C4orf50: variants seen among roughly 807,000 people sequenced by gnomAD.
The protein encoded by C4orf50 is chromosome 4 open reading frame 50.
In C4orf50, 80 loss-of-function variants were observed where a neutral mutation model predicts 77.2. That is an observed-to-expected ratio of 1.04 (90% confidence interval 0.87 to 1.25). C4orf50 has a LOEUF of 1.25. Among genes scored for constraint, C4orf50 ranks in the 50% most tolerant of loss-of-function variants. The pLI, the probability that C4orf50 is intolerant of heterozygous loss-of-function variation, is 0.00. For missense variants in C4orf50, 1,257 were observed against 1,152.9 expected (o/e 1.09, Z -1.31); for synonymous variants, 532 against 465.3 (o/e 1.14, Z -1.84).
intron 25 of C4orf50, among the ~76,000 whole-genome samples, chr4:5,996,000 C>T (rs770721009): frequency 1.3e-5 from 2 of 152,166 alleles, no homozygotes; most frequent in African/African-American, 2.4e-5. Flanking sequence ...CAGGGAGACC[C>T]GCTGATCACC....
rs1399235201 is a variant in C4orf50 at position 5,993,054 on chromosome 4, C to T, written c.1094-124G>A. ...CACCCCCCCCACCCCCGACTGTGAG[C>T]CTCCCAAGGGCAGCCTGATGACCAC... On this transcript the variant is annotated intron_variant, in intron 26 of 33. Transcript: ENST00000531445. The T allele has an allele frequency of 7.7e-6, 3 of 390,354 alleles. No individual in the cohort carries two copies. The Admixed American group carries it at 1.3e-4, about 18-fold the overall frequency. The allele number at this position is 390,354 out of a possible 1,614,324, so 24.2% of individuals were successfully genotyped here.
downstream of C4orf50, among the ~76,000 whole-genome samples, chr4:5,952,917 T>C (rs1411429308): frequency 1.3e-5 from 2 of 152,230 alleles, no homozygotes; most frequent in South Asian, 2.1e-4. The surrounding 1 kb of genome is among the most constrained non-coding windows in gnomAD (Gnocchi z 4.4). Flanking sequence ...GTTTTGGTTT[T>C]GCCTAGAAAT....
intron 31 of C4orf50, among the ~76,000 whole-genome samples, chr4:5,971,654 TG>T (rs796910017): frequency 1.6e-4 from 24 of 152,348 alleles, no homozygotes; most frequent in African/African-American, 5.8e-4. Flanking sequence ...AAGAAATGAC[TG>T]AAAAAATTTG....
At chr4:5,966,728 C>CA (rs1246772542) in intron 32 of C4orf50, among the ~76,000 whole-genome samples, 1 of 150,772 alleles carries the variant, frequency 6.6e-6, no homozygotes, top group Non-Finnish European at 1.5e-5. Flanking sequence ...CGGTTCACTG[C>CA]AACCTCCGTC....
intron 31 of C4orf50, among the ~76,000 whole-genome samples, chr4:5,972,250 G>A (rs980213180): frequency 1.3e-5 from 2 of 152,002 alleles, no homozygotes; most frequent in African/African-American, 4.8e-5. Context: ...TGATCTGTCC[G>A]CCCCGGCCTC....
intron 25 of C4orf50, among the ~76,000 whole-genome samples, chr4:6,006,945 T>A (rs941136311): frequency 2.6e-5 from 4 of 152,034 alleles, no homozygotes; most frequent in Non-Finnish European, 5.9e-5. Flanking sequence ...ACAGGTAAAG[T>A]GGGAGAAGAG....
chr4:5,993,193 G>A (rs765371112), intron 26 of C4orf50, among the ~76,000 whole-genome samples: 32 of 152,114 alleles, frequency 2.1e-4, no homozygotes, highest in Non-Finnish European at 3.8e-4. Context: ...ACTCCTGCAC[G>A]GGACAAAATC....
chr4:5,969,461 A>G (rs1719774541), intron 31 of C4orf50, among the ~76,000 whole-genome samples: 1 of 150,304 alleles, frequency 6.7e-6, no homozygotes, highest in African/African-American at 2.5e-5. Context: ...TGGCAGGAGG[A>G]GGAAACAGCA....
At chr4:5,934,169 G>A (rs532615903) in intron 7 of C4orf50, among the ~76,000 whole-genome samples, 1 of 152,066 alleles carries the variant, frequency 6.6e-6, no homozygotes, top group Non-Finnish European at 1.5e-5. Context: ...GCAGCTCACT[G>A]GATGGCTGTA....
chr4:5,978,061 G>A (rs1297652813), intron 29 of C4orf50, among the ~76,000 whole-genome samples: 1 of 152,164 alleles, frequency 6.6e-6, no homozygotes, highest in Non-Finnish European at 1.5e-5. Context: ...CCACAAGCAC[G>A]TGAAAAGATG....
intron 26 of C4orf50, among the ~76,000 whole-genome samples, chr4:5,993,234 A>G (rs906680158): frequency 2.0e-5 from 3 of 152,190 alleles, no homozygotes; most frequent in Admixed American, 1.3e-4. Flanking sequence ...CAGCATCCTC[A>G]TCTGTCAAAC....
chr4:5,917,358 C>G (rs1717070847), intron 7 of C4orf50, among the ~76,000 whole-genome samples: 1 of 150,886 alleles, frequency 6.6e-6, no homozygotes, highest in South Asian at 2.1e-4. Context: ...AGAATAACAA[C>G]CTGAAGCCAT....
chr4:5,911,574 C>A (rs1577876934), intron 7 of C4orf50, among the ~76,000 whole-genome samples: 1 of 152,274 alleles, frequency 6.6e-6, no homozygotes. Context: ...GCAGAAAGGC[C>A]CAGCTTGGCC....
chr4:5,994,345 A>G lies in C4orf50; in HGVS notation c.1093+2T>C, dbSNP rs964785546. 3 of 399,100 alleles carry G rather than the reference A, an allele frequency of 7.5e-6. No individual in the cohort carries two copies. Among genetic ancestry groups the G allele is most frequent in the Non-Finnish European group, 1.3e-5 (3 of 226,200 alleles). 24.7% of individuals were successfully genotyped at this position (399,100 alleles called of 1,614,324 possible). A position where few individuals can be genotyped will look rare whatever the true frequency, so the allele number is the denominator to read the frequency against. On this transcript the variant is annotated splice_donor_variant, in intron 26 of 33. Coordinates refer to ENST00000531445, the Ensembl canonical transcript of C4orf50. LOFTEE classifies it high-confidence loss of function. ...CCTCCACGCACCGCGGTACCCGCGC[A>G]CCTGCTGGGGCCCTTTGTCTGGGTG...
At chr4:5,941,262 C>A (rs572251085) in intron 7 of C4orf50, among the ~76,000 whole-genome samples, 4 of 152,138 alleles carry the variant, frequency 2.6e-5, no homozygotes, top group Non-Finnish European at 4.4e-5. Flanking sequence ...AACAACACTG[C>A]GAGTTAAGTA....
At chr4:5,930,298 T>C (rs544779247) in intron 7 of C4orf50, among the ~76,000 whole-genome samples, 15 of 152,334 alleles carry the variant, frequency 9.8e-5, no homozygotes, top group African/African-American at 3.6e-4. Flanking sequence ...AGAGGTAACA[T>C]TACCTACTGA....
At chr4:5,967,515 C>G in intron 31 of C4orf50, 53 bp from the exon 10 acceptor site, 4 of 1,539,182 alleles carry the variant, frequency 2.6e-6, no homozygotes, top group Non-Finnish European at 3.6e-6. Context: ...GAGAGACAGC[C>G]TTGCACAGAA....
intron 28 of C4orf50, among the ~76,000 whole-genome samples, chr4:5,985,291 A>T (rs1373698849): frequency 6.6e-6 from 1 of 152,202 alleles, no homozygotes; most frequent in East Asian, 1.9e-4. Context: ...GAAAGAACAG[A>T]ATAAGAACAT....
chr4:6,013,965 C>G (rs1434047534), intron 23 of C4orf50, among the ~76,000 whole-genome samples: 1 of 151,452 alleles, frequency 6.6e-6, no homozygotes, highest in Non-Finnish European at 1.5e-5. Flanking sequence ...AAACCAGTGA[C>G]AAGTGTGGAT....
Sources: allele counts gnomAD v4.1 joint callset (sites outside exome capture counted in the v4.1 genomes callset), GRCh38; gene constraint gnomAD v4.1.1; non-coding constraint Gnocchi (gnomAD v3.1); transcripts MANE v1.5; gene names NCBI Gene and HGNC (gene_info 2026-07-23, HGNC 2026-07-21).